The following CSMD3 variants were observed in gnomAD, a reference collection of about 807,000 sequenced individuals.
CSMD3 encodes CUB and Sushi multiple domains 3, also known as CUB and sushi domain-containing protein 3.
CSMD3 carries 177 observed loss-of-function variants against 435.2 expected under a neutral mutation model. The ratio of observed to expected loss-of-function variants is 0.41; its 90% confidence interval spans 0.36 to 0.46. The LOEUF is 0.46. Among genes scored for constraint, CSMD3 ranks in the 20% least tolerant of loss-of-function variants. The pLI, the probability that CSMD3 is intolerant of heterozygous loss-of-function variation, is 0.34. For synonymous variants in CSMD3, 1,656 were observed against 1,520.5 expected (o/e 1.09, Z -2.07); for missense variants, 4,265 against 4,504.6 (o/e 0.95, Z 1.52).
intron 12 of CSMD3, among the ~76,000 whole-genome samples, chr8:112,811,679 C>T (rs2079232520): frequency 6.6e-6 from 1 of 152,112 alleles, no homozygotes; most frequent in South Asian, 2.1e-4. Flanking sequence ...TTGAAATCTC[C>T]TCTACAGATT....
intron 13 of CSMD3, among the ~76,000 whole-genome samples, chr8:112,782,811 GA>G (rs112418481): frequency 0.026 from 3,845 of 148,638 alleles, 76 homozygotes; most frequent in East Asian, 0.074. Flanking sequence ...AGTGCTGAAA[GA>G]AAAAAAAAAT....
At position 112,829,717 on chromosome 8, in the gene CSMD3, C is replaced by T. The variant is rs760004671; in HGVS notation, c.1828G>A (p.Glu610Lys). 5.6e-6 allele frequency: 9 copies of T among 1,612,402 alleles called. No individual in the cohort carries two copies. The highest frequency in any genetic ancestry group is 1.3e-5 in the African/African-American group (1 of 74,824). The change falls in exon 12 of 71, where the codon GAA (glutamate) becomes AAA (lysine). Residue 610 changes from glutamate (E) to lysine (K), a missense_variant. Coordinates refer to ENST00000297405, the MANE Select transcript of CSMD3 (RefSeq NM_198123.2). ...YDTLTIGDGG[E>K]VGDPRTVLQV... ...AGCACTGTCCTAGGATCTCCAACTT[C>T]GCCCCCATCGCCAATTGTCAAGGTA... is the stretch of plus-strand genomic sequence containing the variant.
At chr8:112,639,756 G>A (rs912641549) in intron 20 of CSMD3, among the ~76,000 whole-genome samples, 2 of 152,036 alleles carry the variant, frequency 1.3e-5, no homozygotes, top group Non-Finnish European at 2.9e-5. Context: ...TGCATAGTTG[G>A]GGGTGGTTCA....
intron 3 of CSMD3, among the ~76,000 whole-genome samples, chr8:113,230,389 T>C (rs1340029881): frequency 6.6e-6 from 1 of 151,648 alleles, no homozygotes; most frequent in Non-Finnish European, 1.5e-5. Flanking sequence ...TGCCTTTCTG[T>C]ACATAATTAA....
rs559293450 is a variant in CSMD3, at chr8:112,544,412, C to T, written c.4564+6259G>A. On this transcript the variant is annotated intron_variant, in intron 27 of 70. Transcript: ENST00000297405. Reference sequence around the variant, plus strand: ...ATTTTGGCATATATTAATAAAACTGCCCTCTTCACTAGCCTATAAAATGTA... The same window carrying T: ...ATTTTGGCATATATTAATAAAACTGTCCTCTTCACTAGCCTATAAAATGTA... Among the ~76,000 whole-genome samples, 23 of 152,174 alleles carry T rather than the reference C, an allele frequency of 1.5e-4. No individual in the cohort carries two copies. In the South Asian group the frequency reaches 4.6e-3, roughly 30 times the overall value.
intron 1 of CSMD3, among the ~76,000 whole-genome samples, chr8:113,317,703 T>C (rs66949759): frequency 0.1 from 15,899 of 152,146 alleles, 964 homozygotes; most frequent in Middle Eastern, 0.17. Flanking sequence ...ATATCCTCCC[T>C]CATTCATTTA....
chr8:112,816,255 G>T (rs1337797413), intron 12 of CSMD3, among the ~76,000 whole-genome samples: 1 of 152,120 alleles, frequency 6.6e-6, no homozygotes, highest in Non-Finnish European at 1.5e-5. Flanking sequence ...AATCTGAGAT[G>T]AATAGAAGAT....
intron 42 of CSMD3, among the ~76,000 whole-genome samples, chr8:112,338,721 T>C (rs569236260): frequency 6.6e-6 from 1 of 152,256 alleles, no homozygotes; most frequent in South Asian, 2.1e-4. Context: ...TGTTAAGTGC[T>C]TTCATTCTTA....
intron 6 of CSMD3, among the ~76,000 whole-genome samples, chr8:112,986,639 T>C (rs1445647179): frequency 2.0e-5 from 3 of 152,098 alleles, no homozygotes; most frequent in African/African-American, 7.2e-5. Context: ...AAAAAATTCA[T>C]ATTGAGAATT....
chr8:113,173,250 A>G (rs2092296592), intron 4 of CSMD3, among the ~76,000 whole-genome samples: 2 of 152,190 alleles, frequency 1.3e-5, no homozygotes, highest in Non-Finnish European at 2.9e-5. Flanking sequence ...AAGAGATACT[A>G]GTCAATACTA....
chr8:113,304,880 A>G (rs2093805547), intron 2 of CSMD3, among the ~76,000 whole-genome samples: 1 of 140,958 alleles, frequency 7.1e-6, no homozygotes, highest in Non-Finnish European at 1.5e-5. Flanking sequence ...TAACCTGCAC[A>G]ATGTGCACAT....
At chr8:112,305,860 C>G (rs552602777) in intron 51 of CSMD3, 147 bp downstream of exon 51, 1 of 732,578 alleles carries the variant, frequency 1.4e-6, no homozygotes, top group East Asian at 2.7e-5. Context: ...CTTCATTGTA[C>G]AAGATAGCTT....
At chr8:112,737,350 C>T (rs993392526) in intron 13 of CSMD3, among the ~76,000 whole-genome samples, 1 of 151,966 alleles carries the variant, frequency 6.6e-6, no homozygotes, top group Non-Finnish European at 1.5e-5. Flanking sequence ...CAAACTAGAG[C>T]TTCATCTCTT....
intron 3 of CSMD3, among the ~76,000 whole-genome samples, chr8:113,185,262 T>C (rs1159916358): frequency 6.6e-6 from 1 of 151,964 alleles, no homozygotes; most frequent in African/African-American, 2.4e-5. Flanking sequence ...CGATCACTTG[T>C]AGTTGCAGTC....
chr8:113,220,610 T>G (rs1427744754), intron 3 of CSMD3, among the ~76,000 whole-genome samples: 1 of 151,496 alleles, frequency 6.6e-6, no homozygotes, highest in Non-Finnish European at 1.5e-5. Context: ...AGTCAAATAT[T>G]GGCTGGTTGA....
chr8:113,422,891 T>C (rs1014761154), intron 1 of CSMD3, among the ~76,000 whole-genome samples: 21 of 152,014 alleles, frequency 1.4e-4, no homozygotes, highest in Non-Finnish European at 2.5e-4. Context: ...TTATCCCTTA[T>C]TCAAACTGCT....
intron 1 of CSMD3, among the ~76,000 whole-genome samples, chr8:113,404,818 A>G (rs987967515): frequency 2.6e-5 from 4 of 151,456 alleles, no homozygotes; most frequent in African/African-American, 9.7e-5. Context: ...GCCAGAGTAT[A>G]ATTCAATTAA....
intron 12 of CSMD3, among the ~76,000 whole-genome samples, chr8:112,807,236 C>A (rs1164581143): frequency 6.6e-6 from 1 of 152,136 alleles, no homozygotes; most frequent in East Asian, 1.9e-4. Context: ...GAAATAAATA[C>A]CTTGTCTGGG....
chr8:113,253,294 A>ATGCATACATGTGCCATGTTGGTGTGC (rs2093350345), intron 3 of CSMD3, among the ~76,000 whole-genome samples: 2 of 151,838 alleles, frequency 1.3e-5, no homozygotes, highest in Non-Finnish European at 2.9e-5. Flanking sequence ...TTTGTTACAT[A>ATGCATACATGTGCCATGTTGGTGTGC]TGCATACATG....
Sources: gnomAD v4.1 joint callset for allele counts (sites outside exome capture counted in the v4.1 genomes callset) on GRCh38, gnomAD v4.1.1 for gene constraint, MANE v1.5 for transcripts, NCBI Gene and HGNC (gene_info 2026-07-23, HGNC 2026-07-21) for gene names.